Variants in GRB10 observed in about 807,000 individuals in gnomAD.
GRB10 encodes the protein growth factor receptor-bound protein 10.
GRB10 carries 20 observed loss-of-function variants against 80.9 expected under a neutral mutation model. That is an observed-to-expected ratio of 0.25 (90% CI 0.17 to 0.36). The LOEUF is 0.36. Ranked by LOEUF, GRB10 falls within the 10% of genes least tolerant of loss-of-function variation. GRB10 has a pLI of 1.00. For missense variants in GRB10, 548 were observed against 747.7 expected (o/e 0.73, Z 3.12); for synonymous variants, 291 against 291.5 (o/e 1.00, Z 0.02).
At chr7:50,742,268 C>T (rs1431567988) in intron 3 of GRB10, among the ~76,000 whole-genome samples, 3 of 10,304 alleles carry the variant, frequency 2.9e-4, no homozygotes, top group African/African-American at 5.7e-4. Flanking sequence ...CGCACGCGCG[C>T]GCGCACACAC....
Position 50,668,154 on chromosome 7 carries a change from C to A in GRB10, c.504+1568G>T, listed in dbSNP as rs1271878929. Among the ~76,000 whole-genome samples the A allele has an allele frequency of 6.6e-5, 10 of 152,156 alleles. No homozygotes were observed. In the South Asian group the frequency reaches 8.3e-4, roughly 13 times the overall value. ...AAGTTTTGATAGTGCCATAATGCAG[C>A]CTGCTCCGGGGGCCTGAGGTCAGAA... On this transcript the variant is annotated intron_variant, in intron 7 of 18. Transcript: ENST00000401949.
intron 7 of GRB10, among the ~76,000 whole-genome samples, chr7:50,641,043 G>A (rs1002914899): frequency 5.3e-5 from 8 of 152,096 alleles, no homozygotes; most frequent in Admixed American, 5.2e-4. Flanking sequence ...ATGGGAACGC[G>A]GTCCTGCTGC....
At chr7:50,598,165 G>C (rs1056675370) in intron 17 of GRB10, among the ~76,000 whole-genome samples, 2 of 152,198 alleles carry the variant, frequency 1.3e-5, no homozygotes, top group African/African-American at 4.8e-5. Flanking sequence ...CACCCAGCCA[G>C]AATAACTCTT....
intron 5 of GRB10, among the ~76,000 whole-genome samples, chr7:50,683,371 T>C (rs1024740987): frequency 6.6e-6 from 1 of 152,206 alleles, no homozygotes; most frequent in African/African-American, 2.4e-5. Flanking sequence ...AATAGAGTTC[T>C]ATGGATGGAT....
chr7:50,721,266 TGGA>T (rs1009868597), intron 4 of GRB10, among the ~76,000 whole-genome samples: 1 of 152,200 alleles, frequency 6.6e-6, no homozygotes, highest in Non-Finnish European at 1.5e-5. Flanking sequence ...TCACACTGTG[TGGA>T]GGAGAGTGAT....
chr7:50,648,113 G>C (rs1042764546), intron 7 of GRB10, among the ~76,000 whole-genome samples: 8 of 152,126 alleles, frequency 5.3e-5, no homozygotes, highest in African/African-American at 1.7e-4. Context: ...AAAGCTGAGG[G>C]AATGGCCACG....
intron 7 of GRB10, among the ~76,000 whole-genome samples, chr7:50,666,659 T>C (rs1173560223): frequency 1.3e-5 from 2 of 152,124 alleles, no homozygotes; most frequent in East Asian, 3.9e-4. Context: ...CACATCATGG[T>C]AGTTGCTTGC....
At chr7:50,771,225 T>A (rs949348658) in intron 2 of GRB10, among the ~76,000 whole-genome samples, 1 of 152,196 alleles carries the variant, frequency 6.6e-6, no homozygotes, top group African/African-American at 2.4e-5. Flanking sequence ...CCAGAAACCA[T>A]GTGCTACTCA....
intron 2 of GRB10, among the ~76,000 whole-genome samples, chr7:50,767,851 C>G (rs780302783): frequency 2.6e-5 from 4 of 152,160 alleles, no homozygotes; most frequent in Non-Finnish European, 4.4e-5. Flanking sequence ...TCCTGTGTTG[C>G]AATCGAGAAG....
intron 7 of GRB10, among the ~76,000 whole-genome samples, chr7:50,633,231 G>A (rs1586035887): frequency 6.6e-6 from 1 of 152,254 alleles, no homozygotes; most frequent in East Asian, 1.9e-4. Flanking sequence ...CTGACCACTG[G>A]TCCAGCACAC....
intron 7 of GRB10, among the ~76,000 whole-genome samples, chr7:50,657,614 T>C (rs946499725): frequency 5.3e-5 from 8 of 152,232 alleles, no homozygotes; most frequent in Non-Finnish European, 1.0e-4. Context: ...AGAGAATCTC[T>C]GTTGTAAGAT....
intron 17 of GRB10, 87 bp from the exon 18 acceptor site, chr7:50,595,617 AC>A: frequency 1.3e-6 from 1 of 761,142 alleles, no homozygotes; most frequent in Non-Finnish European, 2.4e-6. Flanking sequence ...ACACACACAC[AC>A]ACACACACAC....
chr7:50,681,405 G>C, intron 5 of GRB10, among the ~76,000 whole-genome samples: 1 of 152,206 alleles, frequency 6.6e-6, no homozygotes, highest in Non-Finnish European at 1.5e-5. Flanking sequence ...CCAACTCGAG[G>C]GGCGATGGTG....
At chr7:50,610,662 T>C (rs150612743) in intron 13 of GRB10, among the ~76,000 whole-genome samples, 1 of 152,288 alleles carries the variant, frequency 6.6e-6, no homozygotes, top group East Asian at 1.9e-4. Context: ...CTCAGTTTTG[T>C]CATCCACAAA....
intron 7 of GRB10, among the ~76,000 whole-genome samples, chr7:50,647,632 G>C (rs1050223332): frequency 6.6e-6 from 1 of 152,242 alleles, no homozygotes; most frequent in Non-Finnish European, 1.5e-5. Context: ...AAAACATTCA[G>C]CAAAGGGCTG....
At chr7:50,667,228 T>A (rs1242128291) in intron 7 of GRB10, among the ~76,000 whole-genome samples, 12 of 152,168 alleles carry the variant, frequency 7.9e-5, no homozygotes, top group African/African-American at 2.9e-4. Context: ...GTGAACATAA[T>A]GACATGAATG....
At chr7:50,704,497 G>C (rs1315537919) in intron 4 of GRB10, among the ~76,000 whole-genome samples, 1 of 152,120 alleles carries the variant, frequency 6.6e-6, no homozygotes, top group African/African-American at 2.4e-5. Flanking sequence ...TCAAATGTGG[G>C]GAAAGAAATA....
At chr7:50,629,523 A>G (rs923326561) in intron 7 of GRB10, among the ~76,000 whole-genome samples, 16 of 152,126 alleles carry the variant, frequency 1.1e-4, no homozygotes, top group Non-Finnish European at 2.4e-4. Context: ...TGCCCCTGAC[A>G]CAGCACTCTC....
chr7:50,743,371 A>AT (rs2072246161), intron 3 of GRB10, among the ~76,000 whole-genome samples: 1 of 152,208 alleles, frequency 6.6e-6, no homozygotes, highest in Admixed American at 6.5e-5. Flanking sequence ...AAAAGAGTAA[A>AT]TTTTTTAAAT....
Sources: gnomAD v4.1 joint callset for allele counts (sites outside exome capture counted in the v4.1 genomes callset) on GRCh38, gnomAD v4.1.1 for gene constraint, MANE v1.5 for transcripts, NCBI Gene and HGNC (gene_info 2026-07-23, HGNC 2026-07-21) for gene names.